The following MANBA variants were observed in gnomAD, a reference collection of about 807,000 sequenced individuals.
The protein encoded by MANBA is beta-mannosidase.
In MANBA, 83 loss-of-function variants were observed where a neutral mutation model predicts 111.1. That is an observed-to-expected ratio of 0.75 (90% confidence interval 0.63 to 0.90). The LOEUF (loss-of-function observed/expected upper bound fraction) is 0.90, where lower values mean the gene tolerates loss of function less well. Among genes scored for constraint, MANBA ranks in the 40% least tolerant of loss-of-function variants. The pLI is 0.00. For missense variants in MANBA, 1,036 were observed against 1,069.0 expected, an observed-to-expected ratio of 0.97 and a Z score of 0.43; for synonymous variants, 370 against 378.7, an observed-to-expected ratio of 0.98 and a Z score of 0.27.
At chr4:102,633,982 GAAGTAAAAGTGTAA>G (rs1177215315) in intron 16 of MANBA, among the ~76,000 whole-genome samples, 1 of 152,094 alleles carries the variant, frequency 6.6e-6, no homozygotes, top group Admixed American at 6.5e-5. Flanking sequence ...CCCTTTCTAT[GAAGTAAAAGTGTAA>G]AACAAATTTA....
intron 12 of MANBA, among the ~76,000 whole-genome samples, chr4:102,651,405 A>C (rs540132114): frequency 5.3e-5 from 8 of 152,228 alleles, no homozygotes; most frequent in African/African-American, 1.9e-4. Context: ...ATTAAAAAAC[A>C]AAGTAAAAAA....
At chr4:102,668,513 A>C in intron 10 of MANBA, 1 of 191,148 alleles carries the variant, frequency 5.2e-6, no homozygotes, top group Non-Finnish European at 1.1e-5. Flanking sequence ...AAATGTCAAT[A>C]TGTGGAATCT....
intron 13 of MANBA, among the ~76,000 whole-genome samples, chr4:102,640,883 C>A (rs770822700): frequency 6.6e-6 from 1 of 152,038 alleles, no homozygotes. Context: ...AGAACGGAAG[C>A]CAGAAGAAAT....
intron 9 of MANBA, among the ~76,000 whole-genome samples, chr4:102,670,318 C>A (rs927018291): frequency 6.6e-6 from 1 of 152,092 alleles, no homozygotes; most frequent in Non-Finnish European, 1.5e-5. Flanking sequence ...GTAACTACAT[C>A]ATTGAATGGG....
intron 1 of MANBA, among the ~76,000 whole-genome samples, chr4:102,751,039 C>T (rs184548724): frequency 6.6e-6 from 1 of 152,300 alleles, no homozygotes; most frequent in Non-Finnish European, 1.5e-5. Context: ...TTTCATTTTG[C>T]AAGTATCTCT....
chr4:102,649,587 T>C lies in MANBA; in HGVS notation c.1869+950A>G, dbSNP rs527661388. Among the ~76,000 whole-genome samples the C allele has an allele frequency of 8.5e-5, 13 of 152,316 alleles. 2 individuals carry two copies. Among genetic ancestry groups the C allele is most frequent in the African/African-American group, 3.1e-4 (13 of 41,588 alleles). ...AGCTCCAGTTCAAGATTTTTGTCCA[T>C]TTTTAAATAGATTGTCTGACTTTTT... On this transcript the variant is annotated intron_variant, in intron 13 of 16. Coordinates refer to ENST00000647097, the MANE Select transcript of MANBA (RefSeq NM_005908.4).
At chr4:102,701,146 T>C (rs1303830585) in intron 5 of MANBA, among the ~76,000 whole-genome samples, 2 of 152,070 alleles carry the variant, frequency 1.3e-5, no homozygotes, top group Non-Finnish European at 2.9e-5. Flanking sequence ...TCTTTGTTGG[T>C]TTAAAGTCTG....
chr4:102,726,489 C>T, intron 2 of MANBA, 100 bp downstream of exon 2: 1 of 715,682 alleles, frequency 1.4e-6, no homozygotes, highest in African/African-American at 1.9e-5. Flanking sequence ...ACAAAACATA[C>T]AAAACAAAAA....
chr4:102,633,305 G>A (rs761328960), intron 16 of MANBA: 20 of 398,504 alleles, frequency 5.0e-5, no homozygotes, highest in Middle Eastern at 6.2e-4. Context: ...AGGTTCATGC[G>A]GCTCATGCCA....
rs200999022 is a variant in MANBA at position 102,632,146 on chromosome 4, G to C, written c.2551C>G (p.Arg851Gly). The C allele has an allele frequency of 1.7e-5, 28 of 1,613,188 alleles. No individual in the cohort carries two copies. The highest frequency in any genetic ancestry group is 4.0e-5 in the African/African-American group (3 of 74,896). ...TCCCAAGGGTAAAATAATATAGTTC[G>C]TGTCTTCTCAGTCATGAGGAAACCA... ...DNGFLMTEKT[R>G]TILFYPWEPT... Residue 851 changes from arginine (R) to glycine (G), a missense_variant, in exon 17 of 17, where the codon CGA (arginine) becomes GGA (glycine). Transcript: ENST00000647097.
chr4:102,709,257 A>G (rs1455422018), intron 5 of MANBA, among the ~76,000 whole-genome samples: 1 of 140,348 alleles, frequency 7.1e-6, no homozygotes. Flanking sequence ...GAAAGAAAGA[A>G]AGAGAGAGAG....
intron 1 of MANBA, chr4:102,727,624 T>C (rs1722860835): frequency 6.5e-7 from 1 of 1,547,936 alleles, no homozygotes; most frequent in Non-Finnish European, 8.9e-7. Context: ...AGTGCCCATG[T>C]TGTTGTATTC....
intron 11 of MANBA, chr4:102,663,214 G>A (rs1731050788): frequency 6.6e-6 from 1 of 151,364 alleles, no homozygotes; most frequent in Non-Finnish European, 1.5e-5. Flanking sequence ...ACTGAGTCAT[G>A]TGCCTTCCAT....
At chr4:102,723,624 G>A (rs1722671340) in intron 3 of MANBA, among the ~76,000 whole-genome samples, 1 of 152,176 alleles carries the variant, frequency 6.6e-6, no homozygotes, top group Non-Finnish European at 1.5e-5. Flanking sequence ...TATGTGCCAA[G>A]AACTTGCCAA....
intron 10 of MANBA, chr4:102,666,728 A>C (rs1731244092): frequency 6.6e-6 from 1 of 152,228 alleles, no homozygotes; most frequent in Non-Finnish European, 1.5e-5. Context: ...CTAGGGAAGG[A>C]GTTCGATTGT....
At chr4:102,704,703 T>A (rs901171757) in intron 5 of MANBA, among the ~76,000 whole-genome samples, 4 of 152,044 alleles carry the variant, frequency 2.6e-5, no homozygotes, top group African/African-American at 9.7e-5. Context: ...TCTATTGATA[T>A]CAGTGATAAC....
intron 10 of MANBA, chr4:102,666,830 C>T (rs558019050): frequency 1.3e-5 from 2 of 152,398 alleles, no homozygotes; most frequent in Admixed American, 6.5e-5. Context: ...CCCTTGTAGC[C>T]ACCACCCAGT....
intron 2 of MANBA, among the ~76,000 whole-genome samples, chr4:102,726,134 AT>A (rs899361140): frequency 1.5e-4 from 23 of 150,022 alleles, no homozygotes; most frequent in African/African-American, 4.1e-4. Context: ...GGACAGAAGG[AT>A]TTTTTTTTTC....
chr4:102,749,627 G>T (rs1043708252), intron 1 of MANBA, among the ~76,000 whole-genome samples: 9 of 152,210 alleles, frequency 5.9e-5, no homozygotes, highest in Admixed American at 5.9e-4. Flanking sequence ...TTGAATCCTT[G>T]CTCCACCATC....
Sources: gnomAD v4.1 joint callset for allele counts (sites outside exome capture counted in the v4.1 genomes callset) on GRCh38, gnomAD v4.1.1 for gene constraint, MANE v1.5 for transcripts, NCBI Gene and HGNC (gene_info 2026-07-23, HGNC 2026-07-21) for gene names.